Variants in HLTF observed in about 807,000 individuals in gnomAD.
The protein encoded by HLTF is DNA-dependent ATPase/E3 ubiquitin-protein ligase HLTF.
In HLTF, 127 loss-of-function variants were observed where a neutral mutation model predicts 129.4. The observed-to-expected ratio is 0.98, with a 90% CI of 0.85 to 1.14. The LOEUF (loss-of-function observed/expected upper bound fraction) is 1.14, where lower values mean the gene tolerates loss of function less well. Ranked by LOEUF, HLTF falls within the 50% of genes most tolerant of loss-of-function variation. HLTF has a pLI of 0.00. For synonymous variants in HLTF, 332 were observed against 388.8 expected (o/e 0.85, Z 1.72); for missense variants, 1,139 against 1,187.1 (o/e 0.96, Z 0.60).
At chr3:149,075,847 CAATTATTAA>C (rs1171562967) in intron 3 of HLTF, 25 bp downstream of exon 3, 1 of 1,491,782 alleles carries the variant, frequency 6.7e-7, no homozygotes, top group African/African-American at 1.4e-5. Context: ...CTATAATTCA[CAATTATTAA>C]AACTAAATTC....
chr3:149,036,510 A>G (rs913351426), intron 23 of HLTF, among the ~76,000 whole-genome samples: 1 of 151,934 alleles, frequency 6.6e-6, no homozygotes, highest in African/African-American at 2.4e-5. Flanking sequence ...GATGGTCTCA[A>G]TCTCTTGACC....
chr3:149,086,409 C>T lies in HLTF; in HGVS notation c.-73G>A. 1.3e-6 allele frequency: 2 copies of T among 1,507,270 alleles called. No individual in the cohort carries two copies. 93.4% of individuals were successfully genotyped at this position (1,507,270 alleles called of 1,614,324 possible). A position where few individuals can be genotyped will look rare whatever the true frequency, so the allele number is the denominator to read the frequency against. On this transcript the variant is annotated 5_prime_UTR_variant, in exon 1 of 25. Coordinates refer to ENST00000310053, the MANE Select transcript of HLTF (RefSeq NM_003071.4). ...TTTTCGAGCCGCCTCGATACGCCTC[C>T]TTCCAGGCCCCGCAGCCCTGAAGCC...
intron 16 of HLTF, among the ~76,000 whole-genome samples, chr3:149,048,482 C>T (rs1364574752): frequency 6.6e-6 from 1 of 152,156 alleles, no homozygotes; most frequent in Non-Finnish European, 1.5e-5. Flanking sequence ...AAGGAAAAAG[C>T]AACTAGTTTA....
At chr3:149,072,830 A>C (rs533495804) in intron 5 of HLTF, among the ~76,000 whole-genome samples, 15 of 152,346 alleles carry the variant, frequency 9.8e-5, no homozygotes, top group African/African-American at 2.9e-4. Context: ...CTAAATTACA[A>C]ATTAGACAAT....
Position 149,048,884 on chromosome 3 carries a change from CT to C in HLTF, c.1734del (p.Glu579LysfsTer6). On this transcript the variant is annotated frameshift_variant, in exon 16 of 25. Transcript: ENST00000310053. LOFTEE classifies it high-confidence loss of function. ...TTACCTGTCAAAACCCATCTTCTTTCTGATTCTAAGTCAAGTACAGCTTTTG... is the reference window on the plus strand; with the variant it reads ...TTACCTGTCAAAACCCATCTTCTTTCGATTCTAAGTCAAGTACAGCTTTTG... ...QQTKAVLDLE[S>X]ERRWVLTGTP... 6.2e-7 allele frequency: 1 copy of C among 1,613,344 alleles called. No homozygotes were observed. The highest frequency in any genetic ancestry group is 8.5e-7 in the Non-Finnish European group (1 of 1,179,474).
At chr3:149,042,073 T>TA in intron 19 of HLTF, 93 bp downstream of exon 19, 1 of 1,110,988 alleles carries the variant, frequency 9.0e-7, no homozygotes, top group East Asian at 2.4e-5. Flanking sequence ...CAGAACAAAA[T>TA]AAACTAAATG....
rs1003566599 is a variant in HLTF, at chr3:149,056,965, C to T, written c.1376-1565G>A. On this transcript the variant is annotated intron_variant, in intron 13 of 24. Coordinates refer to ENST00000310053, the MANE Select transcript of HLTF (RefSeq NM_003071.4). ...TCTACTAAAAATACAAAAAATTAGCCGGGGGAGGTGGCGGGCGCCTGTAGT... is the reference window on the plus strand; with the variant it reads ...TCTACTAAAAATACAAAAAATTAGCTGGGGGAGGTGGCGGGCGCCTGTAGT... Among the ~76,000 whole-genome samples the T allele has an allele frequency of 2.6e-5, 4 of 151,036 alleles. No individual in the cohort carries two copies. The South Asian group carries it at 8.3e-4, about 31-fold the overall frequency.
chr3:149,045,841 G>C (rs1716503237), intron 18 of HLTF, among the ~76,000 whole-genome samples: 1 of 152,036 alleles, frequency 6.6e-6, no homozygotes, highest in Non-Finnish European at 1.5e-5. Flanking sequence ...TAGCAATTGA[G>C]AACTTGTCAT....
At chr3:149,050,177 G>T in intron 15 of HLTF, 55 bp downstream of exon 15, 1 of 1,178,026 alleles carries the variant, frequency 8.5e-7, no homozygotes, top group Non-Finnish European at 1.2e-6. Flanking sequence ...GAAACCTGTG[G>T]CATATTTCTT....
intron 13 of HLTF, among the ~76,000 whole-genome samples, chr3:149,056,374 G>A (rs1321528072): frequency 6.6e-6 from 1 of 152,200 alleles, no homozygotes; most frequent in Admixed American, 6.5e-5. Flanking sequence ...AAATTCTAGA[G>A]ATGGTATCCC....
In HLTF at chr3:149,049,140, AT is replaced by A. The variant is rs1716785204; in HGVS notation, c.1618-140del. 1.4e-5 allele frequency: 7 copies of A among 514,402 alleles called. No homozygotes were observed. In the South Asian group the frequency reaches 2.8e-4, roughly 21 times the overall value. The allele number at this position is 514,402 out of a possible 1,614,324, so 31.9% of individuals were successfully genotyped here. On this transcript the variant is annotated intron_variant, in intron 15 of 24. Transcript: ENST00000310053. ...TACTGCTTTAAGCACTACATTAATT[AT>A]TGAATACTCACAAGTTTATAAAATA...
At chr3:149,048,248 A>G in intron 16 of HLTF, 85 bp from the exon 17 acceptor site, 1 of 1,028,364 alleles carries the variant, frequency 9.7e-7, no homozygotes, top group Non-Finnish European at 1.4e-6. Context: ...GAAGACAACA[A>G]TTGAAAATGG....
chr3:149,078,156 T>C (rs1719546111), intron 2 of HLTF, among the ~76,000 whole-genome samples: 1 of 152,190 alleles, frequency 6.6e-6, no homozygotes, highest in Non-Finnish European at 1.5e-5. Flanking sequence ...AAGTATGGTC[T>C]ATACACAGGG....
At chr3:149,037,111 T>C (rs1302667377) in intron 23 of HLTF, among the ~76,000 whole-genome samples, 1 of 152,194 alleles carries the variant, frequency 6.6e-6, no homozygotes, top group African/African-American at 2.4e-5. Flanking sequence ...CAAATATTTT[T>C]TATAGTAGCC....
At chr3:149,055,829 A>C (rs1436053683) in intron 13 of HLTF, among the ~76,000 whole-genome samples, 2 of 152,220 alleles carry the variant, frequency 1.3e-5, no homozygotes, top group Non-Finnish European at 2.9e-5. Context: ...TGACCAACAG[A>C]ATATAGCAGA....
At chr3:149,084,061 A>T (rs1361065019) in intron 2 of HLTF, among the ~76,000 whole-genome samples, 2 of 152,214 alleles carry the variant, frequency 1.3e-5, no homozygotes, top group African/African-American at 2.4e-5. Context: ...TTTTAAATTC[A>T]GCCCAACTGT....
chr3:149,046,593 G>A (rs756513561), intron 17 of HLTF, among the ~76,000 whole-genome samples: 2 of 152,038 alleles, frequency 1.3e-5, no homozygotes, highest in Non-Finnish European at 1.5e-5. Context: ...CTCCATCACC[G>A]AATAGTCAAC....
chr3:149,063,929 C>T (rs377199943), intron 9 of HLTF, among the ~76,000 whole-genome samples: 1 of 152,146 alleles, frequency 6.6e-6, no homozygotes, highest in Admixed American at 6.5e-5. Flanking sequence ...GGCTCCCCTA[C>T]CCATTTATCA....
At chr3:149,064,711 A>G in intron 9 of HLTF, 80 bp downstream of exon 9, 1 of 921,274 alleles carries the variant, frequency 1.1e-6, no homozygotes, top group Non-Finnish European at 1.8e-6. Flanking sequence ...AGGCTGAAAA[A>G]ACGCAAATCA....
Sources: gnomAD v4.1 joint callset for allele counts (sites outside exome capture counted in the v4.1 genomes callset) on GRCh38, gnomAD v4.1.1 for gene constraint, MANE v1.5 for transcripts, NCBI Gene and HGNC (gene_info 2026-07-23, HGNC 2026-07-21) for gene names.